RGL1: variants seen among roughly 807,000 people sequenced by gnomAD.
RGL1 encodes the protein ral guanine nucleotide dissociation stimulator-like 1.
RGL1 carries 24 observed loss-of-function variants against 95.2 expected under a neutral mutation model. That is an observed-to-expected ratio of 0.25 (90% confidence interval 0.18 to 0.35). RGL1 has a LOEUF of 0.35. Among genes scored for constraint, RGL1 ranks in the 10% least tolerant of loss-of-function variants. The pLI, the probability that RGL1 is intolerant of heterozygous loss-of-function variation, is 1.00. For synonymous variants in RGL1, 329 were observed against 344.9 expected, an observed-to-expected ratio of 0.95 and a Z score of 0.51; for missense variants, 715 against 936.3, an observed-to-expected ratio of 0.76 and a Z score of 3.08.
At chr1:183,860,388 G>A (rs1332627244) in intron 3 of RGL1, among the ~76,000 whole-genome samples, 1 of 152,148 alleles carries the variant, frequency 6.6e-6, no homozygotes, top group Admixed American at 6.5e-5. Flanking sequence ...TAAAACCAGA[G>A]TCCTTGCCAC....
chr1:183,686,181 C>G (rs550835840), intron 1 of RGL1, among the ~76,000 whole-genome samples: 1 of 152,058 alleles, frequency 6.6e-6, no homozygotes, highest in Non-Finnish European at 1.5e-5. Flanking sequence ...TATTTTATTG[C>G]CCTTTTGTGT....
chr1:183,642,060 GA>G (rs1425091630), intron 1 of RGL1, among the ~76,000 whole-genome samples: 3 of 152,064 alleles, frequency 2.0e-5, no homozygotes, highest in African/African-American at 7.2e-5. Context: ...TCCCCAACCT[GA>G]TTATCACAAA....
intron 2 of RGL1, among the ~76,000 whole-genome samples, chr1:183,782,731 G>C (rs1350698836): frequency 1.3e-5 from 2 of 152,180 alleles, no homozygotes; most frequent in East Asian, 3.8e-4. Context: ...TGAGATTGCT[G>C]TCATATTTTC....
At chr1:183,908,477 G>A (rs560729577) in intron 14 of RGL1, among the ~76,000 whole-genome samples, 1 of 152,204 alleles carries the variant, frequency 6.6e-6, no homozygotes, top group African/African-American at 2.4e-5. Flanking sequence ...CCCTCTCTTT[G>A]TTCAGATGAC....
intron 8 of RGL1, among the ~76,000 whole-genome samples, chr1:183,889,672 A>G (rs533042831): frequency 8.9e-4 from 136 of 152,326 alleles, no homozygotes; most frequent in Non-Finnish European, 1.8e-3. Context: ...TTCAGGGGAT[A>G]GTCTACTTGG....
intron 1 of RGL1, among the ~76,000 whole-genome samples, chr1:183,673,462 T>A (rs1652610315): frequency 6.6e-6 from 1 of 152,212 alleles, no homozygotes. Context: ...TTCTACTTCA[T>A]CAGGTTGAGC....
chr1:183,900,645 C>T (rs974095343), intron 11 of RGL1, among the ~76,000 whole-genome samples: 3 of 152,184 alleles, frequency 2.0e-5, no homozygotes, highest in South Asian at 2.1e-4. Flanking sequence ...GCTGGGATTA[C>T]AGGCGTGCAC....
intron 1 of RGL1, among the ~76,000 whole-genome samples, chr1:183,714,513 G>C (rs917118865): frequency 6.6e-6 from 1 of 152,118 alleles, no homozygotes; most frequent in Non-Finnish European, 1.5e-5. Context: ...AAACATTAGT[G>C]AACAAATAGA....
chr1:183,668,766 T>G (rs1176763436), intron 1 of RGL1, among the ~76,000 whole-genome samples: 3 of 152,084 alleles, frequency 2.0e-5, no homozygotes, highest in Non-Finnish European at 2.9e-5. Context: ...GGGGGAAATT[T>G]TCACTCATTA....
intron 2 of RGL1, among the ~76,000 whole-genome samples, chr1:183,834,370 C>T (rs1663484015): frequency 6.6e-6 from 1 of 152,006 alleles, no homozygotes; most frequent in Admixed American, 6.6e-5. Context: ...AGTCTAGTTC[C>T]TTGCCCACCC....
intron 3 of RGL1, among the ~76,000 whole-genome samples, chr1:183,852,535 C>A (rs1267023403): frequency 6.6e-6 from 1 of 152,138 alleles, no homozygotes; most frequent in Non-Finnish European, 1.5e-5. Context: ...AAAATCTGGC[C>A]AGGCGTGGTG....
intron 1 of RGL1, among the ~76,000 whole-genome samples, chr1:183,703,571 G>T (rs559921632): frequency 1.3e-5 from 2 of 152,160 alleles, no homozygotes; most frequent in Non-Finnish European, 2.9e-5. Flanking sequence ...TGTTTGAAGC[G>T]ATTTATAGTA....
intron 1 of RGL1, among the ~76,000 whole-genome samples, chr1:183,739,619 G>A (rs116537671): frequency 3.3e-5 from 5 of 152,294 alleles, no homozygotes; most frequent in Non-Finnish European, 5.9e-5. Flanking sequence ...TTGTAAGTGC[G>A]GAGATACACT....
At chr1:183,895,522 G>A (rs532105717) in intron 9 of RGL1, among the ~76,000 whole-genome samples, 1 of 152,274 alleles carries the variant, frequency 6.6e-6, no homozygotes, top group South Asian at 2.1e-4. Context: ...AGATTGGATA[G>A]TATTTCCAAA....
At chr1:183,872,854 G>T (rs1666261688) in intron 4 of RGL1, among the ~76,000 whole-genome samples, 1 of 152,144 alleles carries the variant, frequency 6.6e-6, no homozygotes, top group African/African-American at 2.4e-5. Context: ...AGGAGGAGGG[G>T]TGAAGAACAG....
At chr1:183,647,711 T>G (rs923453362) in intron 1 of RGL1, 1 of 1,603,720 alleles carries the variant, frequency 6.2e-7, no homozygotes, top group Non-Finnish European at 8.5e-7. Flanking sequence ...TCTTTTCATC[T>G]GCCTCCTTGC....
chr1:183,850,784 A>G (rs1008929512), intron 3 of RGL1, among the ~76,000 whole-genome samples: 5 of 152,168 alleles, frequency 3.3e-5, no homozygotes, highest in African/African-American at 1.2e-4. Context: ...TCATGTTTAT[A>G]AAAAAATGCA....
At chr1:183,895,605 C>T (rs1348884513) in intron 9 of RGL1, among the ~76,000 whole-genome samples, 2 of 152,198 alleles carry the variant, frequency 1.3e-5, no homozygotes, top group Non-Finnish European at 2.9e-5. Flanking sequence ...ATGAGAACAG[C>T]AGAGGAGGCA....
At position 183,916,661 on chromosome 1, in the gene RGL1, G is replaced by A; in HGVS notation, c.1964G>A (p.Ser655Asn). Reference protein sequence around the residue: ...QNEDTCIIRISVEDNNGNMYK... With the variant: ...QNEDTCIIRINVEDNNGNMYK... The stretch of plus-strand genomic sequence containing the variant: ...GAAGACACCTGCATAATCCGCATCA[G>A]TGTGGAAGACAATAACGGCAACATG... Residue 655 changes from serine to asparagine, a missense_variant, in exon 16 of 18, where the codon AGT becomes AAT. By Grantham distance (46) the Ser-to-Asn change is conservative. Transcript: ENST00000360851. The A allele has an allele frequency of 1.2e-6, 2 of 1,613,784 alleles. No homozygotes were observed. The highest frequency in any genetic ancestry group is 1.7e-6 in the Non-Finnish European group (2 of 1,180,006).
Sources: allele counts gnomAD v4.1 joint callset (sites outside exome capture counted in the v4.1 genomes callset), GRCh38; gene constraint gnomAD v4.1.1; transcripts MANE v1.5; gene names NCBI Gene and HGNC (gene_info 2026-07-23, HGNC 2026-07-21).